The following PPDPFL variants were observed in gnomAD, a reference collection of about 807,000 sequenced individuals.
PPDPFL encodes the protein pancreatic progenitor cell differentiation and proliferation factor like, also known as pancreatic progenitor cell differentiation and proliferation factor-like protein.
PPDPFL carries 12 observed loss-of-function variants against 12.6 expected under a neutral mutation model. The ratio of observed to expected loss-of-function variants is 0.95; its 90% CI spans 0.61 to 1.54. The LOEUF is 1.54. Among genes scored for constraint, PPDPFL ranks in the 40% most tolerant of loss-of-function variants. PPDPFL has a pLI of 0.00. For synonymous variants in PPDPFL, 24 were observed against 32.7 expected, an observed-to-expected ratio of 0.73 and a Z score of 0.91; for missense variants, 114 against 96.0, an observed-to-expected ratio of 1.19 and a Z score of -0.78.
chr8:49,074,159 G>A (rs1808446831), intron 3 of PPDPFL, 23 bp downstream of exon 3: 1 of 1,603,856 alleles, frequency 6.2e-7, no homozygotes. Flanking sequence ...TTCTTTCAGT[G>A]TCATCCTTAT....
chr8:49,063,050 T>G (rs1430895558), intron 1 of PPDPFL, among the ~76,000 whole-genome samples: 2 of 152,320 alleles, frequency 1.3e-5, no homozygotes, highest in East Asian at 3.9e-4. Context: ...CATGACATTT[T>G]GAGGACTTCT....
chr8:49,058,609 G>A (rs1808147480), intron 1 of PPDPFL, among the ~76,000 whole-genome samples: 1 of 152,186 alleles, frequency 6.6e-6, no homozygotes, highest in Non-Finnish European at 1.5e-5. Context: ...ATTTTGTTTA[G>A]ACCAATATTT....
At chr8:49,056,446 A>G (rs927065131) in intron 1 of PPDPFL, among the ~76,000 whole-genome samples, 1 of 152,134 alleles carries the variant, frequency 6.6e-6, no homozygotes, top group African/African-American at 2.4e-5. Context: ...TATTTGTAGC[A>G]TATTTCTTTA....
At chr8:49,061,343 T>C (rs1808199170) in intron 1 of PPDPFL, among the ~76,000 whole-genome samples, 1 of 152,058 alleles carries the variant, frequency 6.6e-6, no homozygotes, top group Admixed American at 6.6e-5. Flanking sequence ...GGAGAGAGGC[T>C]GTAGAAGAAA....
intron 1 of PPDPFL, among the ~76,000 whole-genome samples, chr8:49,060,741 A>G (rs1282485728): frequency 2.6e-5 from 4 of 152,238 alleles, no homozygotes; most frequent in African/African-American, 9.6e-5. Flanking sequence ...GTTGCAATGC[A>G]TCCATTCATG....
In PPDPFL at chr8:49,075,166, C is replaced by CT. The variant is rs1466985024; in HGVS notation, c.251dup (p.Leu84PhefsTer11). On this transcript the variant is annotated frameshift_variant, in exon 5 of 5. Coordinates refer to ENST00000522267, the MANE Select transcript of PPDPFL (RefSeq NM_001256597.2). LOFTEE classifies it high-confidence loss of function. ...AATCAACCCAGATTACAGATGAGCACTTTGTAGCTGATCATCTTTGCACTG... is the reference window on the plus strand; with the variant it reads ...AATCAACCCAGATTACAGATGAGCACTTTTGTAGCTGATCATCTTTGCACTG... 1.2e-6 allele frequency: 2 copies of CT among 1,613,090 alleles called. No homozygotes were observed. The highest frequency in any genetic ancestry group is 1.7e-6 in the Non-Finnish European group (2 of 1,179,126).
chr8:49,071,744 G>T (rs1292042535), upstream of PPDPFL, among the ~76,000 whole-genome samples: 1 of 152,084 alleles, frequency 6.6e-6, no homozygotes, highest in Admixed American at 6.5e-5. Context: ...ATCAGTAAAT[G>T]ATATTGATAC....
At chr8:49,065,628 G>A (rs1205859880) in intron 1 of PPDPFL, among the ~76,000 whole-genome samples, 3 of 152,178 alleles carry the variant, frequency 2.0e-5, no homozygotes, top group African/African-American at 7.2e-5. Context: ...CAGGAAAAAG[G>A]GCAAAAGAGA....
intron 1 of PPDPFL, among the ~76,000 whole-genome samples, chr8:49,066,316 A>G (rs964134605): frequency 2.0e-5 from 3 of 152,216 alleles, no homozygotes; most frequent in Admixed American, 6.5e-5. Context: ...AGGGTTAGCC[A>G]CTAAGTTCAG....
chr8:49,069,286 C>A (rs939662797), upstream of PPDPFL, among the ~76,000 whole-genome samples: 1 of 152,128 alleles, frequency 6.6e-6, no homozygotes, highest in Admixed American at 6.5e-5. Flanking sequence ...GAATTATTTG[C>A]TTAAAATGTT....
chr8:49,059,908 A>T (rs1198635777), intron 1 of PPDPFL, among the ~76,000 whole-genome samples: 1 of 152,202 alleles, frequency 6.6e-6, no homozygotes, highest in East Asian at 1.9e-4. Context: ...ATGTGATGAA[A>T]CTTATAAAGA....
intron 1 of PPDPFL, among the ~76,000 whole-genome samples, chr8:49,060,167 A>T (rs1808174095): frequency 6.8e-6 from 1 of 147,374 alleles, no homozygotes; most frequent in Non-Finnish European, 1.5e-5. Flanking sequence ...CTCAGATTTC[A>T]AAATTTTATT....
upstream of PPDPFL, among the ~76,000 whole-genome samples, chr8:49,069,354 A>G (rs1290229158): frequency 6.6e-6 from 1 of 152,254 alleles, no homozygotes; most frequent in Non-Finnish European, 1.5e-5. Context: ...TAAATAAATA[A>G]TGTTTGTTAT....
rs373479081 is a variant in PPDPFL at position 49,073,286 on chromosome 8, A to G, written c.55+401A>G. 2.0e-5 allele frequency among the ~76,000 whole-genome samples: 3 copies of G among 152,226 alleles called. No homozygotes were observed. In the South Asian group the frequency reaches 6.2e-4, roughly 31 times the overall value. Reference sequence around the variant, plus strand: ...TTCTAATTTCCATCTTCTGCTATGGATAATAGGCCAACTTCTATCTGGCCA... The same window carrying G: ...TTCTAATTTCCATCTTCTGCTATGGGTAATAGGCCAACTTCTATCTGGCCA... On this transcript the variant is annotated intron_variant, in intron 2 of 4. Coordinates refer to ENST00000522267, the MANE Select transcript of PPDPFL (RefSeq NM_001256597.2).
chr8:49,074,523 A>G lies in PPDPFL; in HGVS notation c.233+190A>G, dbSNP rs1377134869. On this transcript the variant is annotated intron_variant, in intron 4 of 4. Transcript: ENST00000522267. ...CCCTCCTTGCAGGTCGCTGTCAGGA[A>G]GATCATAGCACCCTTTCCAGTTCAA... 3 of 1,537,234 alleles carry G rather than the reference A, an allele frequency of 2.0e-6. No individual in the cohort carries two copies. The Admixed American group carries it at 5.9e-5, about 30-fold the overall frequency.
intron 1 of PPDPFL, among the ~76,000 whole-genome samples, chr8:49,061,539 C>G (rs1156297239): frequency 6.6e-6 from 1 of 152,154 alleles, no homozygotes; most frequent in Admixed American, 6.5e-5. Context: ...GAAGGGGCTG[C>G]TTTAGTGGTT....
intron 1 of PPDPFL, among the ~76,000 whole-genome samples, chr8:49,058,145 T>C (rs1361347626): frequency 2.0e-5 from 3 of 152,238 alleles, no homozygotes. Flanking sequence ...GAAATTTGTC[T>C]TGGTTTATGT....
chr8:49,064,261 C>T (rs529494224), intron 1 of PPDPFL, among the ~76,000 whole-genome samples: 1 of 152,096 alleles, frequency 6.6e-6, no homozygotes, highest in Admixed American at 6.5e-5. Flanking sequence ...ACCAGTGGTA[C>T]AGAAAGTTCA....
intron 1 of PPDPFL, among the ~76,000 whole-genome samples, chr8:49,057,265 T>TGC (rs1808125306): frequency 6.6e-6 from 1 of 152,208 alleles, no homozygotes; most frequent in African/African-American, 2.4e-5. Flanking sequence ...TATCAACATT[T>TGC]TTATTAGTCT....
Sources: gnomAD v4.1 joint callset for allele counts (sites outside exome capture counted in the v4.1 genomes callset) on GRCh38, gnomAD v4.1.1 for gene constraint, MANE v1.5 for transcripts, NCBI Gene and HGNC (gene_info 2026-07-23, HGNC 2026-07-21) for gene names.